The following SLC9A9 variants were observed in gnomAD, a reference collection of about 807,000 sequenced individuals.
The protein encoded by SLC9A9 is sodium/hydrogen exchanger 9.
A neutral mutation model predicts 77.8 loss-of-function variants in SLC9A9; 62 were observed. The ratio of observed to expected loss-of-function variants is 0.80; its 90% CI spans 0.65 to 0.98. The LOEUF (loss-of-function observed/expected upper bound fraction) is 0.98. SLC9A9 is among the 50% of genes least tolerant of loss of function. The pLI is 0.00. For synonymous variants in SLC9A9, 320 were observed against 283.5 expected (o/e 1.13, Z -1.29); for missense variants, 775 against 774.9 (o/e 1.00, Z 0.00).
intron 1 of SLC9A9, among the ~76,000 whole-genome samples, chr3:143,845,353 A>G (rs1162680991): frequency 1.3e-5 from 2 of 152,144 alleles, no homozygotes; most frequent in Non-Finnish European, 2.9e-5. Context: ...AAAAGTGTTT[A>G]CTACAGTATC....
chr3:143,506,577 C>T (rs1188116368), intron 9 of SLC9A9, among the ~76,000 whole-genome samples: 1 of 152,142 alleles, frequency 6.6e-6, no homozygotes, highest in Non-Finnish European at 1.5e-5. Context: ...CAGCAACTGC[C>T]ACTTTTCATT....
chr3:143,344,297 T>A (rs1421348160), intron 14 of SLC9A9, among the ~76,000 whole-genome samples: 1 of 152,230 alleles, frequency 6.6e-6, no homozygotes, highest in African/African-American at 2.4e-5. Context: ...GATGCATATA[T>A]CTCTGTATTC....
intron 2 of SLC9A9, chr3:143,811,662 A>G: frequency 2.2e-6 from 1 of 454,470 alleles, no homozygotes; most frequent in African/African-American, 2.0e-5. Context: ...CCCAGCCAAC[A>G]TGGCAAAAAA....
intron 14 of SLC9A9, among the ~76,000 whole-genome samples, chr3:143,337,995 C>A (rs898077057): frequency 1.3e-5 from 2 of 152,136 alleles, no homozygotes; most frequent in African/African-American, 4.8e-5. Flanking sequence ...TCCCTGAATG[C>A]TAATTAAGTG....
At chr3:143,686,101 G>C (rs772644127) in intron 5 of SLC9A9, among the ~76,000 whole-genome samples, 1 of 152,100 alleles carries the variant, frequency 6.6e-6, no homozygotes. Flanking sequence ...CCTCATCCGC[G>C]AGGGTGACCT....
intron 6 of SLC9A9, among the ~76,000 whole-genome samples, chr3:143,600,655 T>C: frequency 6.6e-6 from 1 of 152,130 alleles, no homozygotes; most frequent in East Asian, 1.9e-4. Flanking sequence ...ATCAGAGAGG[T>C]TGATCAGCAT....
chr3:143,517,269 C>T, intron 9 of SLC9A9: 2 of 1,274,858 alleles, frequency 1.6e-6, no homozygotes, highest in Non-Finnish European at 1.1e-6. Flanking sequence ...GCAAGAACCT[C>T]TGGATCACTA....
intron 14 of SLC9A9, chr3:143,346,919 ACT>A (rs1462377527): frequency 6.6e-6 from 1 of 152,184 alleles, no homozygotes; most frequent in African/African-American, 2.4e-5. Flanking sequence ...TTTTCAGATG[ACT>A]CTTGTCAATT....
intron 14 of SLC9A9, among the ~76,000 whole-genome samples, chr3:143,351,949 GA>G (rs2032466114): frequency 6.6e-6 from 1 of 152,038 alleles, no homozygotes; most frequent in Admixed American, 6.5e-5. Flanking sequence ...GGAAAAAAAG[GA>G]AAAAAAGTTG....
intron 14 of SLC9A9, among the ~76,000 whole-genome samples, chr3:143,303,339 T>C (rs1000182849): frequency 6.6e-6 from 1 of 152,138 alleles, no homozygotes; most frequent in Non-Finnish European, 1.5e-5. Context: ...CAAATGTTTT[T>C]CCTGTTCCAG....
At chr3:143,635,730 T>A (rs1176718887) in intron 6 of SLC9A9, among the ~76,000 whole-genome samples, 2 of 152,184 alleles carry the variant, frequency 1.3e-5, no homozygotes, top group Non-Finnish European at 2.9e-5. Context: ...TTAACTGTGC[T>A]CTAAACAGCA....
chr3:143,536,643 T>C (rs918974987), intron 9 of SLC9A9, among the ~76,000 whole-genome samples: 1 of 152,232 alleles, frequency 6.6e-6, no homozygotes, highest in African/African-American at 2.4e-5. Context: ...TGGTTTTGAC[T>C]GTGGGACTGC....
chr3:143,567,561 C>T (rs553419364), intron 8 of SLC9A9, among the ~76,000 whole-genome samples: 1 of 152,296 alleles, frequency 6.6e-6, no homozygotes, highest in African/African-American at 2.4e-5. Flanking sequence ...CACCAGCCTT[C>T]ATTTGCATGT....
chr3:143,272,189 C>CTCAT (rs1209053107), intron 14 of SLC9A9, among the ~76,000 whole-genome samples: 1 of 152,186 alleles, frequency 6.6e-6, no homozygotes, highest in East Asian at 1.9e-4. Flanking sequence ...CTTTCACTCA[C>CTCAT]TCATTCATTT....
At chr3:143,379,343 G>T (rs1212205300) in intron 13 of SLC9A9, among the ~76,000 whole-genome samples, 1 of 152,174 alleles carries the variant, frequency 6.6e-6, no homozygotes, top group Non-Finnish European at 1.5e-5. Context: ...AGTTTGGGAA[G>T]TACCAAAAAA....
chr3:143,525,980 G>A (rs2036397887), intron 9 of SLC9A9, among the ~76,000 whole-genome samples: 1 of 152,202 alleles, frequency 6.6e-6, no homozygotes, highest in Non-Finnish European at 1.5e-5. Context: ...AATATTAGCA[G>A]TTACAGTGGT....
rs532995110 is a variant in SLC9A9 at position 143,304,607 on chromosome 3, T to C, written c.1605-35627A>G. Among the ~76,000 whole-genome samples the C allele has an allele frequency of 6.6e-5, 10 of 152,342 alleles. No individual in the cohort carries two copies. The East Asian group carries it at 1.9e-3, about 29-fold the overall frequency. ...TGATAAAAGTCCAGCCATGGCTGGCTCATAAACGAGACACCCAAGATCTAT... is the reference window on the plus strand; with the variant it reads ...TGATAAAAGTCCAGCCATGGCTGGCCCATAAACGAGACACCCAAGATCTAT... On this transcript the variant is annotated intron_variant, in intron 14 of 15. Transcript: ENST00000316549.
At chr3:143,631,546 G>A (rs139962475) in intron 6 of SLC9A9, among the ~76,000 whole-genome samples, 18 of 152,156 alleles carry the variant, frequency 1.2e-4, no homozygotes, top group South Asian at 2.1e-4. Context: ...TTCACATTTC[G>A]TTCCTTGATA....
At position 143,323,979 on chromosome 3, in the gene SLC9A9, A is replaced by G. The variant is rs1365162272; in HGVS notation, c.1604+39505T>C. ...TTTCCAATTATTTAGTTGGTCATAT[A>G]TACTTTGTCCCAATGTATACATTTT... On this transcript the variant is annotated intron_variant, in intron 14 of 15. Coordinates refer to ENST00000316549, the MANE Select transcript of SLC9A9 (RefSeq NM_173653.4). Among the ~76,000 whole-genome samples the G allele has an allele frequency of 2.0e-5, 3 of 152,086 alleles. No individual in the cohort carries two copies. The East Asian group carries it at 5.8e-4, about 29-fold the overall frequency.
Sources: allele counts gnomAD v4.1 joint callset (sites outside exome capture counted in the v4.1 genomes callset), GRCh38; gene constraint gnomAD v4.1.1; transcripts MANE v1.5; gene names NCBI Gene and HGNC (gene_info 2026-07-23, HGNC 2026-07-21).